TGFBI: variants seen among roughly 807,000 people sequenced by gnomAD.
TGFBI encodes transforming growth factor-beta-induced protein ig-h3.
TGFBI carries 50 observed loss-of-function variants against 73.7 expected under a neutral mutation model. The ratio of observed to expected loss-of-function variants is 0.68; its 90% CI spans 0.54 to 0.86. The LOEUF is 0.86. TGFBI is among the 40% of genes least tolerant of loss of function. The probability of loss-of-function intolerance (pLI) is 0.00; values close to 1 mark genes in which losing one functional copy is unlikely to be tolerated. For synonymous variants in TGFBI, 362 were observed against 360.5 expected, an observed-to-expected ratio of 1.00 and a Z score of -0.05; for missense variants, 839 against 877.0, an observed-to-expected ratio of 0.96 and a Z score of 0.55.
chr5:136,043,287 A>T (rs1751371475), intron 2 of TGFBI, among the ~76,000 whole-genome samples: 1 of 152,144 alleles, frequency 6.6e-6, no homozygotes, highest in Non-Finnish European at 1.5e-5. Context: ...CCGTCCCCAG[A>T]ATATTGGTTC....
At chr5:136,051,615 C>G (rs1353739074) in intron 7 of TGFBI, among the ~76,000 whole-genome samples, 1 of 152,138 alleles carries the variant, frequency 6.6e-6, no homozygotes, top group African/African-American at 2.4e-5. Context: ...AGGTCCTTGC[C>G]CCACACCCAA....
rs1447106322 is a variant in TGFBI at position 136,063,185 on chromosome 5, G to C, written c.2012-1G>C. The stretch of plus-strand genomic sequence containing the variant: ...TGACGTTACCAACTTCTCTTTTTCA[G>C]CCCCTGTCTATCAAAAGTTATTAGA... On this transcript the variant is annotated splice_acceptor_variant, in intron 16 of 16. Transcript: ENST00000442011. LOFTEE classifies it high-confidence loss of function. The C allele has an allele frequency of 6.2e-7, 1 of 1,613,456 alleles. No individual in the cohort carries two copies. The highest frequency in any genetic ancestry group is 8.5e-7 in the Non-Finnish European group (1 of 1,179,594).
At chr5:136,052,861 A>C in intron 7 of TGFBI, 46 bp from the exon 8 acceptor site, 8 of 1,584,370 alleles carry the variant, frequency 5.0e-6, no homozygotes, top group Non-Finnish European at 6.9e-6. Flanking sequence ...CCCTGAGGTT[A>C]TCGTGGAGTG....
intron 3 of TGFBI, 47 bp downstream of exon 3, chr5:136,044,169 ATGG>A (rs1751386517): frequency 3.3e-6 from 5 of 1,522,476 alleles, no homozygotes; most frequent in Admixed American, 1.7e-5. Context: ...GTGGAAGGGA[ATGG>A]TGGGAGAGAG....
At chr5:136,033,668 A>T in intron 1 of TGFBI, 95 bp from the exon 2 acceptor site, 1 of 951,850 alleles carries the variant, frequency 1.1e-6, no homozygotes, top group Non-Finnish European at 1.7e-6. Flanking sequence ...ATCTCTAGAA[A>T]GTTCCAGTGA....
At chr5:136,059,024 C>T (rs1751699058) in intron 12 of TGFBI, 66 bp from the exon 13 acceptor site, 1 of 1,558,522 alleles carries the variant, frequency 6.4e-7, no homozygotes, top group Admixed American at 1.8e-5. Context: ...CTCCTCTGGG[C>T]CCTCCTTGAC....
intron 2 of TGFBI, among the ~76,000 whole-genome samples, chr5:136,040,797 G>A (rs1751318852): frequency 6.6e-6 from 1 of 152,190 alleles, no homozygotes; most frequent in African/African-American, 2.4e-5. Flanking sequence ...CTATGGCTGG[G>A]AAGCCCCCTA....
At chr5:136,039,190 T>C (rs1487358970) in intron 2 of TGFBI, among the ~76,000 whole-genome samples, 1 of 152,236 alleles carries the variant, frequency 6.6e-6, no homozygotes, top group Non-Finnish European at 1.5e-5. Flanking sequence ...AGTAAGCATC[T>C]GTTAAGTGCT....
intron 7 of TGFBI, among the ~76,000 whole-genome samples, chr5:136,049,972 C>T (rs959339108): frequency 2.0e-5 from 3 of 152,208 alleles, no homozygotes; most frequent in East Asian, 3.8e-4. Context: ...ATGGATTCCT[C>T]ATGCCCACGC....
At chr5:136,029,975 ACAAACT>A (rs1467713425) in intron 1 of TGFBI, among the ~76,000 whole-genome samples, 1 of 152,138 alleles carries the variant, frequency 6.6e-6, no homozygotes, top group East Asian at 1.9e-4. Flanking sequence ...GCTTTAGGAG[ACAAACT>A]CAAGCAGAAG....
chr5:136,052,339 G>A (rs1751552108), intron 7 of TGFBI, among the ~76,000 whole-genome samples: 1 of 152,188 alleles, frequency 6.6e-6, no homozygotes, highest in Admixed American at 6.5e-5. Context: ...TAGACCCTTG[G>A]GCTAAATGAA....
intron 7 of TGFBI, among the ~76,000 whole-genome samples, chr5:136,050,421 T>A (rs946845907): frequency 6.6e-6 from 1 of 152,158 alleles, no homozygotes; most frequent in Non-Finnish European, 1.5e-5. Flanking sequence ...AGCTGCTAAG[T>A]TAGGCAGTGC....
intron 10 of TGFBI, 79 bp downstream of exon 10, chr5:136,054,940 C>A (rs1751601759): frequency 1.3e-6 from 2 of 1,524,266 alleles, no homozygotes; most frequent in Non-Finnish European, 1.8e-6. Context: ...AAAATGTCCT[C>A]AATAAGCAGG....
chr5:136,050,042 C>A (rs936419974), intron 7 of TGFBI, among the ~76,000 whole-genome samples: 1 of 152,198 alleles, frequency 6.6e-6, no homozygotes, highest in East Asian at 1.9e-4. Flanking sequence ...CAGTTAAAAA[C>A]CAGCCATAGG....
intron 11 of TGFBI, 37 bp downstream of exon 11, chr5:136,055,853 G>T: frequency 6.4e-7 from 1 of 1,567,646 alleles, no homozygotes; most frequent in South Asian, 1.2e-5. Flanking sequence ...CTTCTGCCCA[G>T]TGGTCATGCT....
chr5:136,057,375 A>G (rs186351308), intron 12 of TGFBI, among the ~76,000 whole-genome samples: 10 of 152,284 alleles, frequency 6.6e-5, no homozygotes, highest in African/African-American at 2.4e-4. Flanking sequence ...CCTCCAGACA[A>G]AAGCTTTCCC....
At chr5:136,051,688 G>T (rs1379953907) in intron 7 of TGFBI, among the ~76,000 whole-genome samples, 1 of 152,200 alleles carries the variant, frequency 6.6e-6, no homozygotes, top group African/African-American at 2.4e-5. Flanking sequence ...AGGGCTGGTG[G>T]TGTGTCCAGT....
intron 6 of TGFBI, 58 bp from the exon 7 acceptor site, chr5:136,049,381 C>T: frequency 6.3e-7 from 1 of 1,587,042 alleles, no homozygotes; most frequent in East Asian, 2.3e-5. Flanking sequence ...GTGTGTGCAT[C>T]TTCTGTGGGG....
At chr5:136,061,238 TACAGCATCTC>T (rs990493582) in intron 14 of TGFBI, 38 of 577,546 alleles carry the variant, frequency 6.6e-5, no homozygotes, top group African/African-American at 6.5e-4. Flanking sequence ...GCACTCCTCT[TACAGCATCTC>T]ACCTCAGTGT....
Sources: allele counts gnomAD v4.1 joint callset (sites outside exome capture counted in the v4.1 genomes callset), GRCh38; gene constraint gnomAD v4.1.1; transcripts MANE v1.5; gene names NCBI Gene and HGNC (gene_info 2026-07-23, HGNC 2026-07-21).